The following UBE2F variants were observed in gnomAD, a reference collection of about 807,000 sequenced individuals.
UBE2F encodes the protein NEDD8-conjugating enzyme UBE2F.
Under a neutral mutation model 29.6 loss-of-function variants are expected in UBE2F, and 5 were observed. That is an observed-to-expected ratio of 0.17 (90% CI 0.09 to 0.36). The LOEUF is 0.36. Among genes scored for constraint, UBE2F ranks in the 10% least tolerant of loss-of-function variants. The pLI is 1.00. For missense variants in UBE2F, 141 were observed against 228.5 expected, an observed-to-expected ratio of 0.62 and a Z score of 2.47; for synonymous variants, 66 against 81.8, an observed-to-expected ratio of 0.81 and a Z score of 1.04.
intron 1 of UBE2F, among the ~76,000 whole-genome samples, chr2:237,970,007 C>CACTAAATTG (rs1040510674): frequency 2.6e-5 from 4 of 152,158 alleles, no homozygotes; most frequent in Non-Finnish European, 4.4e-5. Context: ...AATTGAAATA[C>CACTAAATTG]ACTAAATTGC....
intron 4 of UBE2F, among the ~76,000 whole-genome samples, chr2:237,998,836 T>C (rs1278002363): frequency 3.3e-5 from 5 of 152,174 alleles, no homozygotes; most frequent in African/African-American, 1.2e-4. Context: ...ATTGGGGTTT[T>C]TATTTGCATT....
At chr2:238,038,006 A>C (rs958476426) in intron 9 of UBE2F, among the ~76,000 whole-genome samples, 1 of 152,192 alleles carries the variant, frequency 6.6e-6, no homozygotes, top group Non-Finnish European at 1.5e-5. Flanking sequence ...TGCCGCGACC[A>C]AGTAGGGCAT....
At chr2:238,030,262 G>A (rs1488094406) in intron 6 of UBE2F, among the ~76,000 whole-genome samples, 2 of 152,114 alleles carry the variant, frequency 1.3e-5, no homozygotes, top group African/African-American at 4.8e-5. Flanking sequence ...ATATTAAATT[G>A]ACAAATGTTC....
chr2:238,004,546 A>G (rs2063862749), intron 4 of UBE2F, among the ~76,000 whole-genome samples: 1 of 151,986 alleles, frequency 6.6e-6, no homozygotes, highest in African/African-American at 2.4e-5. Flanking sequence ...CATGTATTTT[A>G]AATTCATTTG....
chr2:237,992,750 C>T lies in UBE2F; in HGVS notation c.149-1994C>T, dbSNP rs571331591. On this transcript the variant is annotated intron_variant, in intron 3 of 9. Coordinates refer to ENST00000272930, the MANE Select transcript of UBE2F (RefSeq NM_080678.3). Reference sequence around the variant, plus strand: ...TCACCAAGCCTCTCTAGACCTTCTACTTATGTCTCCTAATTGAGGACGTTG... The same window carrying T: ...TCACCAAGCCTCTCTAGACCTTCTATTTATGTCTCCTAATTGAGGACGTTG... 9.2e-5 allele frequency among the ~76,000 whole-genome samples: 14 copies of T among 152,268 alleles called. No homozygotes were observed. The East Asian group carries it at 2.5e-3, about 27-fold the overall frequency.
chr2:238,038,865 T>TAA (rs2064778041), intron 9 of UBE2F, among the ~76,000 whole-genome samples: 1 of 152,222 alleles, frequency 6.6e-6, no homozygotes, highest in Non-Finnish European at 1.5e-5. Flanking sequence ...AGGTGCAAAG[T>TAA]GCTCAGGATG....
chr2:237,974,838 G>A (rs2063247210), intron 2 of UBE2F, among the ~76,000 whole-genome samples: 2 of 149,818 alleles, frequency 1.3e-5, no homozygotes, highest in African/African-American at 2.5e-5. Context: ...TAATAGAGAC[G>A]AGGTTTCACC....
At chr2:238,008,237 G>T (rs72977032) in intron 4 of UBE2F, among the ~76,000 whole-genome samples, 10,858 of 152,196 alleles carry the variant, frequency 0.071, 417 homozygotes, top group African/African-American at 0.11. Context: ...GAGATTACAG[G>T]TGTGAGCCAC....
chr2:238,010,644 A>G (rs921023081), intron 4 of UBE2F, among the ~76,000 whole-genome samples: 1 of 152,050 alleles, frequency 6.6e-6, no homozygotes, highest in Non-Finnish European at 1.5e-5. Context: ...AAGTGGGGGA[A>G]CCTCAAGGCT....
Position 237,994,282 on chromosome 2 carries a change from C to T in UBE2F, c.149-462C>T, listed in dbSNP as rs1030880748. 2.6e-5 allele frequency among the ~76,000 whole-genome samples: 4 copies of T among 152,176 alleles called. No individual in the cohort carries two copies. In the East Asian group the frequency reaches 5.8e-4, roughly 22 times the overall value. ...TAAGCCACCATGCCTGGCCAGCACC[C>T]TTCTTTATAAAGAACTTCCATTTAC... On this transcript the variant is annotated intron_variant, in intron 3 of 9. Transcript: ENST00000272930.
At chr2:237,996,388 G>A (rs964324001) in intron 4 of UBE2F, among the ~76,000 whole-genome samples, 11 of 151,846 alleles carry the variant, frequency 7.2e-5, no homozygotes, top group African/African-American at 2.7e-4. Context: ...ACTCAAAGAT[G>A]TTTGTTGATT....
rs193081142 is a variant in UBE2F at position 237,968,314 on chromosome 2, G to A, written c.-17+1182G>A. Among the ~76,000 whole-genome samples, 5 of 152,280 alleles carry A rather than the reference G, an allele frequency of 3.3e-5. No homozygotes were observed. In the East Asian group the frequency reaches 9.6e-4, roughly 29 times the overall value. On this transcript the variant is annotated intron_variant, in intron 1 of 9. Coordinates refer to ENST00000272930, the MANE Select transcript of UBE2F (RefSeq NM_080678.3). ...GTAGTAGGCAGTGCAGGAAGGGGCAGGTTTACTGCTGAACGTAAAAGGGGC... is the reference window on the plus strand; with the variant it reads ...GTAGTAGGCAGTGCAGGAAGGGGCAAGTTTACTGCTGAACGTAAAAGGGGC...
chr2:237,990,403 C>CT (rs759256844), intron 3 of UBE2F: 10,510 of 418,640 alleles, frequency 0.025, 7 homozygotes, highest in East Asian at 0.029. Context: ...ACATGTAAAC[C>CT]TTTTTTTTTT....
chr2:238,026,326 G>C (rs2064428015), intron 6 of UBE2F, among the ~76,000 whole-genome samples: 1 of 152,188 alleles, frequency 6.6e-6, no homozygotes, highest in Non-Finnish European at 1.5e-5. Context: ...CATTTCTCAT[G>C]CTCAACTTCC....
intron 2 of UBE2F, among the ~76,000 whole-genome samples, chr2:237,978,240 T>C (rs752287181): frequency 1.5e-4 from 23 of 152,234 alleles, no homozygotes; most frequent in Non-Finnish European, 3.1e-4. Flanking sequence ...GAAGGCTGCC[T>C]GCCCACAGCC....
At chr2:237,988,328 G>A (rs916635894) in intron 3 of UBE2F, among the ~76,000 whole-genome samples, 4 of 151,926 alleles carry the variant, frequency 2.6e-5, no homozygotes, top group Admixed American at 1.3e-4. Context: ...CATGCCTGTA[G>A]TTCCAGCTAC....
At position 237,972,618 on chromosome 2, in the gene UBE2F, A is replaced by G. The variant is rs1409859492; in HGVS notation, c.-16-474A>G. Among the ~76,000 whole-genome samples the G allele has an allele frequency of 3.6e-5, 5 of 139,766 alleles. No homozygotes were observed. In the Admixed American group the frequency reaches 4.0e-4, roughly 11 times the overall value. The allele number at this position is 139,766 out of a possible 152,430, so 91.7% of individuals were successfully genotyped here. A position where few individuals can be genotyped will look rare whatever the true frequency, so the allele number is the denominator to read the frequency against. ...CAGGCTGGAGTGCAGTGGCACAATC[A>G]CGGCTCACGGTATCCCCAATCTCCC... On this transcript the variant is annotated intron_variant, in intron 1 of 9. Transcript: ENST00000272930.
chr2:238,024,752 A>G (rs2064376914), intron 5 of UBE2F, among the ~76,000 whole-genome samples: 1 of 152,230 alleles, frequency 6.6e-6, no homozygotes, highest in South Asian at 2.1e-4. Flanking sequence ...TGATGTTGAT[A>G]TACTTTATCC....
chr2:237,988,954 G>A lies in UBE2F; in HGVS notation c.148+962G>A, dbSNP rs552643811. ...CTTCACTCATGAGCACCGTACATTC[G>A]GAAAGCTATCTATCAGGCAGTTCAC... On this transcript the variant is annotated intron_variant, in intron 3 of 9. Coordinates refer to ENST00000272930, the MANE Select transcript of UBE2F (RefSeq NM_080678.3). 1.6e-4 allele frequency among the ~76,000 whole-genome samples: 25 copies of A among 152,246 alleles called. No homozygotes were observed. The South Asian group carries it at 4.1e-3, about 25-fold the overall frequency.
Sources: allele counts gnomAD v4.1 joint callset (sites outside exome capture counted in the v4.1 genomes callset), GRCh38; gene constraint gnomAD v4.1.1; transcripts MANE v1.5; gene names NCBI Gene and HGNC (gene_info 2026-07-23, HGNC 2026-07-21).